The following CD163L1 variants were observed in gnomAD, a reference collection of about 807,000 sequenced individuals.
CD163L1 encodes the protein scavenger receptor cysteine-rich type 1 protein M160.
A neutral mutation model predicts 165.4 loss-of-function variants in CD163L1; 124 were observed. That is an observed-to-expected ratio of 0.75 (90% CI 0.65 to 0.87). CD163L1 has a LOEUF of 0.87. Ranked by LOEUF, CD163L1 falls within the 40% of genes least tolerant of loss-of-function variation. The pLI is 0.00. For synonymous variants in CD163L1, 585 were observed against 662.2 expected (o/e 0.88, Z 1.79); for missense variants, 1,525 against 1,799.9 (o/e 0.85, Z 2.76).
intron 2 of CD163L1, chr12:7,438,840 G>A: frequency 6.4e-7 from 1 of 1,560,758 alleles, no homozygotes; most frequent in Non-Finnish European, 8.8e-7. Flanking sequence ...CAGCCCTTTG[G>A]CGTTTGGACA....
At chr12:7,319,658 C>CTG in the CD163L1 span, among the ~76,000 whole-genome samples, 3 of 151,960 alleles carry the variant, frequency 2.0e-5, no homozygotes, top group East Asian at 5.8e-4. Flanking sequence ...TCACCTCCTG[C>CTG]TGTGTGGCCC....
At chr12:7,333,975 C>A in the CD163L1 span, among the ~76,000 whole-genome samples, 7 of 151,332 alleles carry the variant, frequency 4.6e-5, no homozygotes, top group South Asian at 2.1e-4. Context: ...CAATAACAGG[C>A]TCTGAAATTG....
chr12:7,362,198 TATATA>T lies in CD163L1; in HGVS notation c.4280-4717_4280-4713del, dbSNP rs924057628. Reference sequence around the variant, plus strand: ...TTATATAAATTATACATATATAACATATATAATATATCATATGTATTATTTTTATA... The same window carrying T: ...TTATATAAATTATACATATATAACATATATATCATATGTATTATTTTTATA... On this transcript the variant is annotated intron_variant, in intron 18 of 19. Transcript: ENST00000313599. Among the ~76,000 whole-genome samples the T allele has an allele frequency of 1.1e-3, 153 of 140,150 alleles. 1 individual carries two copies. The highest frequency in any genetic ancestry group is 4.1e-3 in the Middle Eastern group (1 of 244). The allele number at this position is 140,150 out of a possible 152,430, so 91.9% of individuals were successfully genotyped here.
rs1010428371 is a variant in CD163L1, at chr12:7,347,853, C to A, written c.*25-706G>T. On this transcript the variant is annotated intron_variant, in intron 4 of 4. Coordinates refer to the CD163L1 transcript ENST00000539726. The surrounding 1 kb of genome is among the most constrained non-coding windows in gnomAD (Gnocchi z 4.2). ...ACCAGAAACTTCTCAATTGCCATTCCCTTGATAAAATAATAACAAATATAA... is the reference window on the plus strand; with the variant it reads ...ACCAGAAACTTCTCAATTGCCATTCACTTGATAAAATAATAACAAATATAA... Among the ~76,000 whole-genome samples the A allele has an allele frequency of 6.6e-6, 1 of 151,988 alleles. No homozygotes were observed. Among genetic ancestry groups the A allele is most frequent in the Admixed American group, 6.6e-5 (1 of 15,262 alleles).
rs1947206720 is a variant in CD163L1, at chr12:7,374,326, A to G, written c.3409+116T>C. ...AGAGAATAGGATTAAAACCAAGTGG[A>G]TTTTTTGTTTGTATTCCTAGGCCAT... is the stretch of plus-strand genomic sequence containing the variant. On this transcript the variant is annotated intron_variant, in intron 13 of 19. Coordinates refer to ENST00000313599, the MANE Select transcript of CD163L1 (RefSeq NM_174941.6). This position sits in a 1 kb window ranked among gnomAD's most constrained non-coding sequence, Gnocchi z 5.4. 1 of 1,088,520 alleles carries G rather than the reference A, an allele frequency of 9.2e-7. No individual in the cohort carries two copies. The highest frequency in any genetic ancestry group is 2.4e-5 in the East Asian group (1 of 41,608). The allele number at this position is 1,088,520 out of a possible 1,614,324, so 67.4% of individuals were successfully genotyped here. A position where few individuals can be genotyped will look rare whatever the true frequency, so the allele number is the denominator to read the frequency against.
intron 4 of CD163L1, among the ~76,000 whole-genome samples, chr12:7,422,914 G>A (rs1467255970): frequency 6.6e-6 from 1 of 151,676 alleles, no homozygotes; most frequent in Non-Finnish European, 1.5e-5. Flanking sequence ...ATATTAGAAA[G>A]ATCAACGAGA....
chr12:7,334,329 G>T, the CD163L1 span, among the ~76,000 whole-genome samples: 1 of 150,990 alleles, frequency 6.6e-6, no homozygotes, highest in Non-Finnish European at 1.5e-5. Flanking sequence ...TGCAAGGCTG[G>T]TTCAACATAC....
intron 4 of CD163L1, among the ~76,000 whole-genome samples, chr12:7,430,715 G>C (rs1948613869): frequency 6.6e-6 from 1 of 152,072 alleles, no homozygotes; most frequent in African/African-American, 2.4e-5. Flanking sequence ...TTTGGGGAAG[G>C]CTTCCCTGAG....
At chr12:7,408,211 C>T (rs1247495572) in intron 4 of CD163L1, among the ~76,000 whole-genome samples, 2 of 151,794 alleles carry the variant, frequency 1.3e-5, no homozygotes, top group Admixed American at 1.3e-4. Context: ...ATTTTTTTTA[C>T]AGATTATTTA....
Position 7,374,228 on chromosome 12 carries a change from T to G in CD163L1, c.3409+214A>C, listed in dbSNP as rs2136426143. On this transcript the variant is annotated intron_variant, in intron 13 of 19. Transcript: ENST00000313599. The surrounding 1 kb of genome is among the most constrained non-coding windows in gnomAD (Gnocchi z 5.4). ...TAACATTCTCTGACAGTAAGACCAATCTTTTATTCTTCTCAGTTATGAATG... is the reference window on the plus strand; with the variant it reads ...TAACATTCTCTGACAGTAAGACCAAGCTTTTATTCTTCTCAGTTATGAATG... Among the ~76,000 whole-genome samples, 1 of 152,230 alleles carries G rather than the reference T, an allele frequency of 6.6e-6. No individual in the cohort carries two copies. The highest frequency in any genetic ancestry group is 1.9e-4 in the East Asian group (1 of 5,200).
At chr12:7,340,522 G>A in the CD163L1 span, among the ~76,000 whole-genome samples, 1 of 152,150 alleles carries the variant, frequency 6.6e-6, no homozygotes, top group African/African-American at 2.4e-5. Flanking sequence ...TGAAGTCACT[G>A]TAACTCCCAG....
intron 4 of CD163L1, among the ~76,000 whole-genome samples, chr12:7,408,822 G>C (rs1324973396): frequency 6.6e-6 from 1 of 152,140 alleles, no homozygotes; most frequent in African/African-American, 2.4e-5. Flanking sequence ...GCCTTTCCCT[G>C]CTTCAGTTTT....
At chr12:7,395,021 T>C (rs1162242380) in intron 8 of CD163L1, among the ~76,000 whole-genome samples, 9 of 152,220 alleles carry the variant, frequency 5.9e-5, no homozygotes, top group Non-Finnish European at 1.2e-4. Context: ...TCAACCATTG[T>C]GGAAGACAGT....
intron 5 of CD163L1, among the ~76,000 whole-genome samples, chr12:7,405,325 T>A (rs1281333170): frequency 6.6e-6 from 1 of 152,072 alleles, no homozygotes; most frequent in Non-Finnish European, 1.5e-5. Flanking sequence ...GTCTCCCTCT[T>A]TTCTCTCCTA....
chr12:7,423,643 G>T (rs957447517), intron 4 of CD163L1, among the ~76,000 whole-genome samples: 1 of 151,818 alleles, frequency 6.6e-6, no homozygotes, highest in Non-Finnish European at 1.5e-5. Flanking sequence ...ATGATAAAGG[G>T]GATATCACCA....
intron 2 of CD163L1, among the ~76,000 whole-genome samples, chr12:7,437,559 C>T (rs907980182): frequency 9.2e-5 from 14 of 151,720 alleles, no homozygotes; most frequent in African/African-American, 3.4e-4. Context: ...TTGTTCAATT[C>T]CCACCTACGA....
chr12:7,416,220 C>T (rs1185024730), intron 4 of CD163L1, among the ~76,000 whole-genome samples: 1 of 152,240 alleles, frequency 6.6e-6, no homozygotes, highest in East Asian at 1.9e-4. Flanking sequence ...ACATAAATGT[C>T]TTCTTTTGAG....
chr12:7,375,912 G>C lies in CD163L1; in HGVS notation c.2474C>G (p.Ser825Cys). 1 of 1,614,220 alleles carries C rather than the reference G, an allele frequency of 6.2e-7. No homozygotes were observed. Among genetic ancestry groups the C allele is most frequent in the Non-Finnish European group, 8.5e-7 (1 of 1,180,034 alleles). Residue 825 changes from serine (S) to cysteine (C), a missense_variant, in exon 10 of 20, where the codon TCT (serine) becomes TGT (cysteine). By Grantham distance (112) the Ser-to-Cys change is moderately radical. Coordinates refer to ENST00000313599, the MANE Select transcript of CD163L1 (RefSeq NM_174941.6). ...GCACAGCACATTGGCAGCATGAAGAGAGAAATCAGAATCACAGACAGAGCG... is the reference window on the plus strand; with the variant it reads ...GCACAGCACATTGGCAGCATGAAGACAGAAATCAGAATCACAGACAGAGCG... ...TWRSVCDSDF[S>C]LHAANVLCRE...
chr12:7,320,777 G>A, the CD163L1 span: 13 of 1,613,500 alleles, frequency 8.1e-6, no homozygotes, highest in African/African-American at 4.0e-5. Context: ...ACTGTGTACC[G>A]GATGCTCGTG....
Sources: allele counts gnomAD v4.1 joint callset (sites outside exome capture counted in the v4.1 genomes callset), GRCh38; gene constraint gnomAD v4.1.1; non-coding constraint Gnocchi (gnomAD v3.1); transcripts MANE v1.5; gene names NCBI Gene and HGNC (gene_info 2026-07-23, HGNC 2026-07-21).